Variants in GOLM2 observed in about 807,000 individuals in gnomAD.
The protein encoded by GOLM2 is protein GOLM2.
A neutral mutation model predicts 55.9 loss-of-function variants in GOLM2; 26 were observed. That is an observed-to-expected ratio of 0.47 (90% CI 0.34 to 0.65). The LOEUF (loss-of-function observed/expected upper bound fraction) is 0.65, where lower values mean the gene tolerates loss of function less well. Ranked by LOEUF, GOLM2 falls within the 30% of genes least tolerant of loss-of-function variation. The pLI is 0.01. For synonymous variants in GOLM2, 165 were observed against 194.6 expected, an observed-to-expected ratio of 0.85 and a Z score of 1.27; for missense variants, 486 against 531.8, an observed-to-expected ratio of 0.91 and a Z score of 0.85.
chr15:44,377,601 T>G (rs998598820), intron 6 of GOLM2, among the ~76,000 whole-genome samples: 1 of 152,116 alleles, frequency 6.6e-6, no homozygotes, highest in Non-Finnish European at 1.5e-5. Context: ...CTCAAACTTC[T>G]GGCCACAAGT....
chr15:44,360,021 C>T (rs1384931181), intron 6 of GOLM2, among the ~76,000 whole-genome samples: 1 of 151,902 alleles, frequency 6.6e-6, no homozygotes, highest in Non-Finnish European at 1.5e-5. Context: ...TTGTCACCAC[C>T]AGGCCTGCCC....
intron 6 of GOLM2, chr15:44,355,151 C>T: frequency 5.0e-6 from 1 of 200,028 alleles, no homozygotes; most frequent in Non-Finnish European, 1.0e-5. Flanking sequence ...CCACCAACTG[C>T]TTAGCATTCT....
At chr15:44,314,758 C>T (rs1218752921) in intron 1 of GOLM2, among the ~76,000 whole-genome samples, 1 of 152,124 alleles carries the variant, frequency 6.6e-6, no homozygotes, top group Non-Finnish European at 1.5e-5. Context: ...ACAGTAGTCA[C>T]AGACACAGAC....
chr15:44,352,712 C>T (rs1266219011), intron 6 of GOLM2, among the ~76,000 whole-genome samples: 6 of 151,958 alleles, frequency 3.9e-5, no homozygotes, highest in African/African-American at 1.5e-4. Context: ...TCGAGACCAG[C>T]CTGGCCAACA....
At chr15:44,359,384 G>A (rs867952829) in intron 6 of GOLM2, among the ~76,000 whole-genome samples, 7 of 151,946 alleles carry the variant, frequency 4.6e-5, no homozygotes, top group East Asian at 1.9e-4. Context: ...TCAGGAGATC[G>A]AGACCATCCT....
intron 6 of GOLM2, among the ~76,000 whole-genome samples, chr15:44,343,230 G>A (rs1351043827): frequency 1.3e-5 from 2 of 151,758 alleles, no homozygotes; most frequent in Non-Finnish European, 2.9e-5. Context: ...CTACTCGGGA[G>A]GCTGAGGCAG....
chr15:44,323,093 A>G, intron 2 of GOLM2, 74 bp downstream of exon 2: 1 of 972,974 alleles, frequency 1.0e-6, no homozygotes, highest in Non-Finnish European at 1.5e-6. Context: ...ATTAAGAAAT[A>G]GTAAATTAGC....
chr15:44,297,650 C>G (rs1321378628), intron 1 of GOLM2, among the ~76,000 whole-genome samples: 1 of 151,698 alleles, frequency 6.6e-6, no homozygotes, highest in Non-Finnish European at 1.5e-5. Context: ...CAAGCTCCGC[C>G]TCCCGGGTTC....
At chr15:44,368,625 T>G (rs1049307920) in intron 6 of GOLM2, among the ~76,000 whole-genome samples, 2 of 151,994 alleles carry the variant, frequency 1.3e-5, no homozygotes, top group East Asian at 3.9e-4. Flanking sequence ...GAATTTCCAT[T>G]TGGTTCTTTT....
rs1567047771 is a variant in GOLM2, at chr15:44,415,733, T to C, written c.*2327T>C. ...CTTTTAAAATCATCATTTACTGGGT[T>C]CTAATAAATTAAAAATTAAACTTGT... is the stretch of plus-strand genomic sequence containing the variant. On this transcript the variant is annotated 3_prime_UTR_variant, in exon 10 of 10. Coordinates refer to ENST00000299957, the MANE Select transcript of GOLM2 (RefSeq NM_138423.4). 6.6e-6 allele frequency: 1 copy of C among 152,582 alleles called. No individual in the cohort carries two copies. Among genetic ancestry groups the C allele is most frequent in the East Asian group, 1.9e-4 (1 of 5,192 alleles). 9.5% of individuals were successfully genotyped at this position (152,582 alleles called of 1,614,324 possible). A position where few individuals can be genotyped will look rare whatever the true frequency, so the allele number is the denominator to read the frequency against.
intron 6 of GOLM2, among the ~76,000 whole-genome samples, chr15:44,361,764 T>C (rs2079241726): frequency 6.6e-6 from 1 of 152,140 alleles, no homozygotes; most frequent in Admixed American, 6.6e-5. Flanking sequence ...TTTAGACCAA[T>C]ATCCTTGCTG....
chr15:44,395,292 G>A (rs986586453), intron 8 of GOLM2, among the ~76,000 whole-genome samples: 1 of 151,590 alleles, frequency 6.6e-6, no homozygotes, highest in African/African-American at 2.4e-5. Context: ...ACAAGCGTGA[G>A]CCACTGCGCC....
chr15:44,365,858 A>T (rs935271694), intron 6 of GOLM2, among the ~76,000 whole-genome samples: 4 of 152,194 alleles, frequency 2.6e-5, no homozygotes, highest in Non-Finnish European at 5.9e-5. Flanking sequence ...ACAGTGTGCC[A>T]GTGTAAGTTC....
At chr15:44,355,132 C>A in intron 6 of GOLM2, 1 of 198,694 alleles carries the variant, frequency 5.0e-6, no homozygotes, top group Non-Finnish European at 1.0e-5. Context: ...ATCAGCATTG[C>A]CTCCTGCACC....
intron 2 of GOLM2, among the ~76,000 whole-genome samples, chr15:44,327,347 G>A (rs2078990789): frequency 6.6e-6 from 1 of 151,068 alleles, no homozygotes; most frequent in Non-Finnish European, 1.5e-5. Context: ...TTGAGCTCAG[G>A]AGTTCGAGAC....
At chr15:44,378,871 A>G (rs1330730202) in intron 6 of GOLM2, among the ~76,000 whole-genome samples, 1 of 150,114 alleles carries the variant, frequency 6.7e-6, no homozygotes, top group East Asian at 2.0e-4. Context: ...TCAGCCTCCT[A>G]AGTAGCTGGG....
At chr15:44,373,531 G>T (rs1468856937) in intron 6 of GOLM2, among the ~76,000 whole-genome samples, 2 of 151,002 alleles carry the variant, frequency 1.3e-5, no homozygotes, top group African/African-American at 4.9e-5. Flanking sequence ...CGAGGCAGGC[G>T]AATCAAGAGA....
intron 6 of GOLM2, among the ~76,000 whole-genome samples, chr15:44,351,742 A>T (rs2079166630): frequency 1.3e-5 from 2 of 152,282 alleles, no homozygotes; most frequent in South Asian, 4.1e-4. Context: ...CAGCATACTA[A>T]ATCAACATAC....
intron 6 of GOLM2, chr15:44,348,406 T>C (rs1433634585): frequency 1.4e-5 from 2 of 143,140 alleles, no homozygotes; most frequent in Non-Finnish European, 3.1e-5. Context: ...TACCCTGGCC[T>C]CCCCATGGGA....
Sources: gnomAD v4.1 joint callset for allele counts (sites outside exome capture counted in the v4.1 genomes callset) on GRCh38, gnomAD v4.1.1 for gene constraint, MANE v1.5 for transcripts, NCBI Gene and HGNC (gene_info 2026-07-23, HGNC 2026-07-21) for gene names.